Variants in PDE8B observed in about 807,000 individuals in gnomAD.
PDE8B encodes the protein phosphodiesterase 8B, also known as high affinity cAMP-specific and IBMX-insensitive 3',5'-cyclic phosphodiesterase 8B.
A neutral mutation model predicts 101.3 loss-of-function variants in PDE8B; 26 were observed. The observed-to-expected ratio is 0.26, with a 90% CI of 0.19 to 0.36. PDE8B has a LOEUF of 0.36. PDE8B is among the 10% of genes least tolerant of loss of function. PDE8B has a pLI of 1.00. For missense variants in PDE8B, 810 were observed against 1,163.1 expected, an observed-to-expected ratio of 0.70 and a Z score of 4.42; for synonymous variants, 424 against 429.3, an observed-to-expected ratio of 0.99 and a Z score of 0.15.
rs59393259 is a variant in PDE8B, at chr5:77,386,865, C to CTT, written c.1168-13355_1168-13354dup. 4.5e-3 allele frequency among the ~76,000 whole-genome samples: 230 copies of CTT among 51,090 alleles called. 52 individuals carry two copies. The highest frequency in any genetic ancestry group is 0.018 in the African/African-American group (190 of 10,758). The allele number at this position is 51,090 out of a possible 152,430, so 33.5% of individuals were successfully genotyped here. ...TTTTGCCTGTTAGTTGATGTAGTTT[C>CTT]TTTTTTTTTTTTTTTTTTTTTTTTT... On this transcript the variant is annotated intron_variant, in intron 10 of 21. Transcript: ENST00000264917.
At chr5:77,103,095 A>G in the PDE8B span, among the ~76,000 whole-genome samples, 1 of 152,332 alleles carries the variant, frequency 6.6e-6, no homozygotes, top group Non-Finnish European at 1.5e-5. Flanking sequence ...CCTATGCACC[A>G]TGATATCTGT....
chr5:77,133,184 G>A, the PDE8B span, among the ~76,000 whole-genome samples: 1 of 152,220 alleles, frequency 6.6e-6, no homozygotes. Context: ...CACTTGTGTG[G>A]TTGGGCTTGT....
At chr5:77,369,334 A>T (rs1784688556) in intron 10 of PDE8B, among the ~76,000 whole-genome samples, 1 of 151,984 alleles carries the variant, frequency 6.6e-6, no homozygotes, top group Admixed American at 6.6e-5. Context: ...GCCCCACCTG[A>T]GTAGCAGGGC....
At chr5:77,271,086 C>T (rs1215657693) in intron 1 of PDE8B, among the ~76,000 whole-genome samples, 1 of 152,206 alleles carries the variant, frequency 6.6e-6, no homozygotes, top group African/African-American at 2.4e-5. Context: ...TGGCTAGGCC[C>T]CACCCTTCTC....
the PDE8B span, among the ~76,000 whole-genome samples, chr5:77,126,445 A>C: frequency 6.6e-6 from 1 of 152,074 alleles, no homozygotes; most frequent in Non-Finnish European, 1.5e-5. Flanking sequence ...ATTTTTTTTG[A>C]GACAGGGTCT....
intron 21 of PDE8B, 119 bp from the exon 22 acceptor site, chr5:77,426,326 C>T (rs886474478): frequency 2.8e-5 from 20 of 723,702 alleles, no homozygotes; most frequent in Non-Finnish European, 4.1e-5. Context: ...CCTCATGCTT[C>T]GCCCAGGGTG....
chr5:77,131,168 A>G, the PDE8B span: 1 of 152,226 alleles, frequency 6.6e-6, no homozygotes, highest in African/African-American at 2.4e-5. Context: ...ACATCTGGAG[A>G]AAGGAGACCT....
At chr5:77,362,733 T>G (rs1347607349) in intron 10 of PDE8B, among the ~76,000 whole-genome samples, 1 of 152,234 alleles carries the variant, frequency 6.6e-6, no homozygotes, top group Non-Finnish European at 1.5e-5. Context: ...CTAGGCTGTT[T>G]GTAGTTCTCT....
chr5:77,198,015 C>A, the PDE8B span, among the ~76,000 whole-genome samples: 4 of 151,772 alleles, frequency 2.6e-5, no homozygotes, highest in Non-Finnish European at 4.4e-5. Context: ...CTTGGGATAT[C>A]TAGTGATTTT....
the PDE8B span, chr5:77,146,312 G>A: frequency 6.6e-6 from 1 of 152,278 alleles, no homozygotes; most frequent in South Asian, 2.1e-4. Context: ...GAGGACAGAT[G>A]CTAGGGTAGC....
At chr5:77,333,289 G>A (rs1428868685) in intron 5 of PDE8B, among the ~76,000 whole-genome samples, 2 of 152,110 alleles carry the variant, frequency 1.3e-5, no homozygotes, top group East Asian at 3.9e-4. Flanking sequence ...CTGAGTTTTT[G>A]GAATGAAGAG....
At chr5:77,188,666 T>G in the PDE8B span, among the ~76,000 whole-genome samples, 1 of 151,408 alleles carries the variant, frequency 6.6e-6, no homozygotes, top group Non-Finnish European at 1.5e-5. Flanking sequence ...AAGGAAGGAG[T>G]GGGAGGAAAT....
chr5:77,137,230 T>A, the PDE8B span, among the ~76,000 whole-genome samples: 15 of 152,186 alleles, frequency 9.9e-5, no homozygotes, highest in African/African-American at 3.4e-4. Context: ...ATTTTCATGT[T>A]AAAAGAGAGC....
chr5:77,290,208 TG>T, intron 1 of PDE8B: 4 of 1,539,394 alleles, frequency 2.6e-6, no homozygotes, highest in Non-Finnish European at 3.5e-6. Context: ...TCGCGCACTG[TG>T]TGTGCACGCT....
intron 10 of PDE8B, among the ~76,000 whole-genome samples, chr5:77,362,594 G>T (rs1473557696): frequency 6.6e-6 from 1 of 152,170 alleles, no homozygotes; most frequent in Non-Finnish European, 1.5e-5. Flanking sequence ...TATCCTATCT[G>T]GTCCCCAGTC....
intron 1 of PDE8B, among the ~76,000 whole-genome samples, chr5:77,299,533 T>C (rs1173882059): frequency 6.6e-6 from 1 of 151,346 alleles, no homozygotes; most frequent in African/African-American, 2.4e-5. Context: ...TTTGGTTTTT[T>C]GTCCTTGCGA....
intron 1 of PDE8B, chr5:77,291,873 T>G: frequency 7.2e-7 from 1 of 1,390,264 alleles, no homozygotes; most frequent in Non-Finnish European, 1.0e-6. Flanking sequence ...CAAAGAAAAT[T>G]AAAGTTTTCC....
At chr5:77,232,082 A>G (rs527903050) in intron 1 of PDE8B, among the ~76,000 whole-genome samples, 5 of 152,346 alleles carry the variant, frequency 3.3e-5, no homozygotes, top group East Asian at 1.9e-4. Flanking sequence ...ACAGTAATCA[A>G]CTGTTTTACA....
chr5:77,419,178 C>T (rs895255864), intron 18 of PDE8B, among the ~76,000 whole-genome samples: 1 of 152,144 alleles, frequency 6.6e-6, no homozygotes, highest in Non-Finnish European at 1.5e-5. Flanking sequence ...AAATTCTTTC[C>T]AGTAGCCAAT....
Sources: gnomAD v4.1 joint callset for allele counts (sites outside exome capture counted in the v4.1 genomes callset) on GRCh38, gnomAD v4.1.1 for gene constraint, MANE v1.5 for transcripts, NCBI Gene and HGNC (gene_info 2026-07-23, HGNC 2026-07-21) for gene names.